Variants in AFAP1 observed in about 807,000 individuals in gnomAD.
AFAP1 encodes the protein actin filament associated protein 1, also known as actin filament-associated protein 1.
Under a neutral mutation model 93.9 loss-of-function variants are expected in AFAP1, and 75 were observed. That is an observed-to-expected ratio of 0.80 (90% CI 0.66 to 0.97). The LOEUF is 0.97. AFAP1 is among the 50% of genes least tolerant of loss of function. The pLI, the probability that AFAP1 is intolerant of heterozygous loss-of-function variation, is 0.00. For missense variants in AFAP1, 1,201 were observed against 1,050.8 expected (o/e 1.14, Z -1.98); for synonymous variants, 517 against 430.7 (o/e 1.20, Z -2.48).
chr4:7,882,054 C>A (rs923704234), intron 1 of AFAP1, among the ~76,000 whole-genome samples: 2 of 152,112 alleles, frequency 1.3e-5, no homozygotes, highest in African/African-American at 2.4e-5. Context: ...CTTTAAGACA[C>A]GGGATCCATG....
intron 1 of AFAP1, among the ~76,000 whole-genome samples, chr4:7,936,141 C>G (rs1282731009): frequency 6.6e-6 from 1 of 152,100 alleles, no homozygotes; most frequent in Non-Finnish European, 1.5e-5. Flanking sequence ...TTCAGTAGCT[C>G]ACGACTTGAC....
At chr4:7,800,177 A>AGGGG in intron 10 of AFAP1, among the ~76,000 whole-genome samples, 1 of 152,354 alleles carries the variant, frequency 6.6e-6, no homozygotes, top group East Asian at 1.9e-4. Flanking sequence ...AACTCAGACA[A>AGGGG]GGAGGCAAGT....
intron 17 of AFAP1, among the ~76,000 whole-genome samples, chr4:7,768,260 G>C (rs1325575609): frequency 6.6e-6 from 1 of 152,224 alleles, no homozygotes; most frequent in Non-Finnish European, 1.5e-5. Context: ...CGTTTGCTTT[G>C]ATCAACTACT....
At chr4:7,795,355 A>C (rs997634033) in intron 10 of AFAP1, among the ~76,000 whole-genome samples, 2 of 151,444 alleles carry the variant, frequency 1.3e-5, no homozygotes, top group Non-Finnish European at 2.9e-5. Context: ...AACAAAAAAA[A>C]CCACAAATGT....
At chr4:7,770,988 T>G (rs892921231) in intron 16 of AFAP1, among the ~76,000 whole-genome samples, 14 of 152,230 alleles carry the variant, frequency 9.2e-5, no homozygotes. Context: ...TGTCCCCATT[T>G]ATGCTGGATG....
At chr4:7,872,101 G>C (rs906509959) in intron 1 of AFAP1, 21 bp from the exon 2 acceptor site, 1 of 1,613,444 alleles carries the variant, frequency 6.2e-7, no homozygotes, top group Non-Finnish European at 8.5e-7. Context: ...AAGAGGAAGA[G>C]TATTATTAGA....
intron 3 of AFAP1, among the ~76,000 whole-genome samples, chr4:7,858,058 A>G (rs910013034): frequency 2.0e-5 from 3 of 152,246 alleles, no homozygotes; most frequent in African/African-American, 7.2e-5. Context: ...AATTTTCAAG[A>G]GAAGAATGCT....
At chr4:7,850,482 A>C (rs1714307631) in intron 4 of AFAP1, among the ~76,000 whole-genome samples, 1 of 152,262 alleles carries the variant, frequency 6.6e-6, no homozygotes, top group East Asian at 1.9e-4. Flanking sequence ...AATAAAACTG[A>C]AATCTGTGTC....
chr4:7,890,813 A>T (rs1374341532), intron 1 of AFAP1, among the ~76,000 whole-genome samples: 2 of 152,224 alleles, frequency 1.3e-5, no homozygotes, highest in African/African-American at 4.8e-5. Context: ...AAAACAGGAG[A>T]GCAACTAGAA....
chr4:7,778,031 C>T (rs1396992069), intron 14 of AFAP1: 1 of 152,840 alleles, frequency 6.5e-6, no homozygotes, highest in African/African-American at 2.4e-5. Flanking sequence ...GGCTGAGTGT[C>T]TCATGTCTTA....
At chr4:7,770,650 T>G (rs1242683454) in intron 16 of AFAP1, among the ~76,000 whole-genome samples, 1 of 151,922 alleles carries the variant, frequency 6.6e-6, no homozygotes, top group Non-Finnish European at 1.5e-5. Context: ...ACAGAAAAGC[T>G]GAAGACACAG....
rs1354034717 is a variant in AFAP1 at position 7,760,572 on chromosome 4, G to C, written c.*3193C>G. On this transcript the variant is annotated 3_prime_UTR_variant, in exon 18 of 18. Transcript: ENST00000420658. ...TGCCCCAGTTCCCCGCAGATTCTGG[G>C]AAGAGGGAGCCATCGCCCATGCCTG... is the stretch of plus-strand genomic sequence containing the variant. The C allele has an allele frequency of 2.0e-5, 3 of 152,302 alleles. No homozygotes were observed. Among genetic ancestry groups the C allele is most frequent in the Admixed American group, 6.5e-5 (1 of 15,288 alleles). 9.4% of individuals were successfully genotyped at this position (152,302 alleles called of 1,614,324 possible). A position where few individuals can be genotyped will look rare whatever the true frequency, so the allele number is the denominator to read the frequency against.
chr4:7,934,856 G>A (rs539095549), intron 1 of AFAP1, among the ~76,000 whole-genome samples: 1 of 152,324 alleles, frequency 6.6e-6, no homozygotes, highest in South Asian at 2.1e-4. Flanking sequence ...TAAAGCATGG[G>A]AATGCTATTT....
chr4:7,783,410 G>A (rs1260642180), intron 12 of AFAP1, among the ~76,000 whole-genome samples: 6 of 152,200 alleles, frequency 3.9e-5, no homozygotes, highest in Non-Finnish European at 7.3e-5. Flanking sequence ...AAAGTGCTGG[G>A]ATTACAGGCC....
At chr4:7,815,540 G>C (rs901943634) in intron 8 of AFAP1, among the ~76,000 whole-genome samples, 63 of 152,158 alleles carry the variant, frequency 4.1e-4, no homozygotes, top group Non-Finnish European at 3.4e-4. Context: ...TAAAGATGGG[G>C]AAACTGAGGC....
intron 1 of AFAP1, among the ~76,000 whole-genome samples, chr4:7,877,774 C>T (rs532525062): frequency 6.6e-6 from 1 of 152,190 alleles, no homozygotes; most frequent in East Asian, 1.9e-4. Flanking sequence ...TTAAAAAGAG[C>T]AATAGTGTGA....
intron 1 of AFAP1, among the ~76,000 whole-genome samples, chr4:7,909,137 A>T (rs1317192842): frequency 2.6e-5 from 4 of 152,220 alleles, no homozygotes; most frequent in Non-Finnish European, 5.9e-5. Flanking sequence ...AAATATGATG[A>T]TGGTGGTGTC....
At chr4:7,806,266 G>A (rs1358111809) in intron 9 of AFAP1, among the ~76,000 whole-genome samples, 5 of 152,162 alleles carry the variant, frequency 3.3e-5, no homozygotes, top group South Asian at 4.1e-4. Flanking sequence ...TGCAATCCTC[G>A]CCACATTAAT....
chr4:7,812,624 G>C (rs994024660), intron 8 of AFAP1, among the ~76,000 whole-genome samples: 3 of 152,174 alleles, frequency 2.0e-5, no homozygotes, highest in African/African-American at 4.8e-5. Context: ...CCTGCAGCTA[G>C]AGGGTAGAAA....
Sources: allele counts gnomAD v4.1 joint callset (sites outside exome capture counted in the v4.1 genomes callset), GRCh38; gene constraint gnomAD v4.1.1; transcripts MANE v1.5; gene names NCBI Gene and HGNC (gene_info 2026-07-23, HGNC 2026-07-21).